The following USP34 variants were observed in gnomAD, a reference collection of about 807,000 sequenced individuals.
USP34 encodes the protein ubiquitin carboxyl-terminal hydrolase 34.
In USP34, 70 loss-of-function variants were observed where a neutral mutation model predicts 460.3. That is an observed-to-expected ratio of 0.15 (90% CI 0.13 to 0.19). USP34 has a LOEUF of 0.19. Among genes scored for constraint, USP34 ranks in the 10% least tolerant of loss-of-function variants. USP34 has a pLI of 1.00. For synonymous variants in USP34, 1,647 were observed against 1,405.3 expected, an observed-to-expected ratio of 1.17 and a Z score of -3.85; for missense variants, 3,985 against 4,236.2, an observed-to-expected ratio of 0.94 and a Z score of 1.65.
intron 34 of USP34, among the ~76,000 whole-genome samples, chr2:61,287,580 A>G (rs1210392127): frequency 6.6e-6 from 1 of 152,160 alleles, no homozygotes; most frequent in African/African-American, 2.4e-5. Flanking sequence ...TTCCTGATCA[A>G]TGTGAAGACC....
At chr2:61,433,390 T>C (rs1486211492) in intron 1 of USP34, among the ~76,000 whole-genome samples, 5 of 152,240 alleles carry the variant, frequency 3.3e-5, no homozygotes, top group East Asian at 3.9e-4. Flanking sequence ...TCCCAGCACT[T>C]TGAGGAGCTG....
At chr2:61,221,403 G>T in intron 66 of USP34, 99 bp downstream of exon 66, 1 of 1,075,642 alleles carries the variant, frequency 9.3e-7, no homozygotes, top group Non-Finnish European at 1.3e-6. Flanking sequence ...AAACCATCTT[G>T]GGGTAATAAG....
At chr2:61,291,516 AT>A (rs2103977545) in intron 33 of USP34, among the ~76,000 whole-genome samples, 1 of 152,326 alleles carries the variant, frequency 6.6e-6, no homozygotes, top group African/African-American at 2.4e-5. Context: ...CGACTGATCA[AT>A]CTTCCACTCC....
At chr2:61,204,824 CTATT>C (rs1182687013) in intron 72 of USP34, among the ~76,000 whole-genome samples, 1 of 152,080 alleles carries the variant, frequency 6.6e-6, no homozygotes, top group East Asian at 1.9e-4. Context: ...GATTAAAACA[CTATT>C]TATTGGTATT....
chr2:61,366,705 A>C (rs1445628132), intron 10 of USP34, among the ~76,000 whole-genome samples: 2 of 152,274 alleles, frequency 1.3e-5, no homozygotes, highest in East Asian at 3.9e-4. Context: ...TAATAGAAAA[A>C]TATGTGAAAT....
chr2:61,265,676 T>G, intron 42 of USP34, 119 bp from the exon 43 acceptor site: 1 of 816,380 alleles, frequency 1.2e-6, no homozygotes, highest in Non-Finnish European at 1.7e-6. Context: ...TATAGAACAT[T>G]ATATAGAATT....
At chr2:61,231,186 T>C (rs532036071) in intron 58 of USP34, among the ~76,000 whole-genome samples, 3 of 151,772 alleles carry the variant, frequency 2.0e-5, no homozygotes, top group East Asian at 1.9e-4. Context: ...ATGGTCAAAA[T>C]AGGCAAATCT....
intron 2 of USP34, among the ~76,000 whole-genome samples, chr2:61,413,618 C>T (rs547313806): frequency 1.6e-4 from 23 of 146,422 alleles, no homozygotes; most frequent in African/African-American, 5.8e-4. Flanking sequence ...CACGATCACG[C>T]CATTGCACTC....
chr2:61,437,917 A>G (rs932967445), intron 1 of USP34, among the ~76,000 whole-genome samples: 15 of 152,038 alleles, frequency 9.9e-5, no homozygotes, highest in Non-Finnish European at 1.9e-4. Context: ...GAAATCTACC[A>G]AATATTTACA....
At position 61,470,745 on chromosome 2, in the gene USP34, C is replaced by A. The variant is rs2104137652; in HGVS notation, c.-53G>T. On this transcript the variant is annotated 5_prime_UTR_variant, in exon 1 of 80. Transcript: ENST00000398571. ...CGCTTCGGATCACACTGACTGATCC[C>A]GACCGGCGGGGGGGAGGGGAGAGAG... is the stretch of plus-strand genomic sequence containing the variant. The A allele has an allele frequency of 1.3e-6, 2 of 1,515,774 alleles. No homozygotes were observed. Among genetic ancestry groups the A allele is most frequent in the East Asian group, 2.6e-5 (1 of 38,966 alleles). The allele number at this position is 1,515,774 out of a possible 1,614,324, so 93.9% of individuals were successfully genotyped here. A position where few individuals can be genotyped will look rare whatever the true frequency, so the allele number is the denominator to read the frequency against.
chr2:61,232,368 A>T, intron 58 of USP34, 84 bp downstream of exon 58: 1 of 1,127,200 alleles, frequency 8.9e-7, no homozygotes, highest in Non-Finnish European at 1.3e-6. Flanking sequence ...TTAGGTTAAG[A>T]CACACTTATA....
At chr2:61,260,180 A>G (rs764362869) in intron 43 of USP34, among the ~76,000 whole-genome samples, 8 of 152,220 alleles carry the variant, frequency 5.3e-5, no homozygotes, top group Admixed American at 2.6e-4. Flanking sequence ...TCATTTATTC[A>G]TATCTTTACT....
intron 5 of USP34, among the ~76,000 whole-genome samples, chr2:61,392,693 C>A (rs1054100856): frequency 1.3e-5 from 2 of 152,082 alleles, no homozygotes; most frequent in Non-Finnish European, 2.9e-5. Context: ...GTAATAAAGT[C>A]TTTAACAAGC....
At chr2:61,241,966 C>A in intron 51 of USP34, 147 bp from the exon 52 acceptor site, 1 of 471,390 alleles carries the variant, frequency 2.1e-6, no homozygotes, top group Non-Finnish European at 3.7e-6. Flanking sequence ...CATAAAAATT[C>A]TACGTACTTC....
intron 1 of USP34, among the ~76,000 whole-genome samples, chr2:61,446,787 C>T (rs1695131250): frequency 9.0e-6 from 1 of 111,696 alleles, no homozygotes; most frequent in Non-Finnish European, 1.8e-5. Flanking sequence ...CAGAGCAAGA[C>T]TCCACATCAA....
chr2:61,283,016 G>C (rs898979478), intron 37 of USP34, 129 bp downstream of exon 37: 3 of 911,214 alleles, frequency 3.3e-6, no homozygotes, highest in Non-Finnish European at 4.9e-6. Context: ...GACCTTAAAG[G>C]ATTAAGCAGA....
At chr2:61,220,486 T>G in intron 66 of USP34, 29 bp from the exon 67 acceptor site, 2 of 1,565,178 alleles carry the variant, frequency 1.3e-6, no homozygotes, top group Non-Finnish European at 1.7e-6. Flanking sequence ...GAACAGAATA[T>G]AAGGCCAACT....
intron 5 of USP34, among the ~76,000 whole-genome samples, chr2:61,386,030 G>A (rs1693134697): frequency 6.6e-6 from 1 of 151,570 alleles, no homozygotes; most frequent in South Asian, 2.1e-4. Context: ...ATGACAGGGA[G>A]GTAGTACTTG....
rs1690374819 is a variant in USP34 at position 61,305,495 on chromosome 2, AAAAAACAAAAGG to A, written c.3818-4053_3818-4042del. ...GATCAACATCTAACACTCACACACA[AAAAAACAAAAGG>A]AAGAAAGAAAAGGAACAGTGCCTTA... On this transcript the variant is annotated intron_variant, in intron 27 of 79. Transcript: ENST00000398571. 2.6e-5 allele frequency among the ~76,000 whole-genome samples: 4 copies of A among 152,198 alleles called. No homozygotes were observed. The South Asian group carries it at 8.3e-4, about 31-fold the overall frequency.
Sources: gnomAD v4.1 joint callset for allele counts (sites outside exome capture counted in the v4.1 genomes callset) on GRCh38, gnomAD v4.1.1 for gene constraint, MANE v1.5 for transcripts, NCBI Gene and HGNC (gene_info 2026-07-23, HGNC 2026-07-21) for gene names.